CSMD1: variants seen among roughly 807,000 people sequenced by gnomAD.
CSMD1 encodes the protein CUB and Sushi multiple domains 1, also known as CUB and sushi domain-containing protein 1.
CSMD1 carries 213 observed loss-of-function variants against 417.5 expected under a neutral mutation model. The observed-to-expected ratio is 0.51, with a 90% confidence interval of 0.46 to 0.57. The LOEUF is 0.57. Among genes scored for constraint, CSMD1 ranks in the 20% least tolerant of loss-of-function variants. The probability of loss-of-function intolerance (pLI) is 0.00; values close to 1 mark genes in which losing one functional copy is unlikely to be tolerated. For synonymous variants in CSMD1, 2,862 were observed against 1,736.8 expected (o/e 1.65, Z -16.11); for missense variants, 6,923 against 4,529.7 (o/e 1.53, Z -15.17).
chr8:3,292,371 C>T lies in CSMD1; in HGVS notation c.3951-8025G>A, dbSNP rs529826599. On this transcript the variant is annotated intron_variant, in intron 25 of 69. Transcript: ENST00000635120. Reference sequence around the variant, plus strand: ...CTTGGTGCAGAGCTGAGTTCAATTCCTGGGTATCCTTGTTAACTTTCTGTC... The same window carrying T: ...CTTGGTGCAGAGCTGAGTTCAATTCTTGGGTATCCTTGTTAACTTTCTGTC... Among the ~76,000 whole-genome samples the T allele has an allele frequency of 1.7e-3, 266 of 152,154 alleles. 2 individuals are homozygous for T. Among genetic ancestry groups the T allele is most frequent in the African/African-American group, 6.0e-3 (248 of 41,492 alleles).
intron 37 of CSMD1, among the ~76,000 whole-genome samples, chr8:3,169,171 T>G (rs7823658): frequency 0.67 from 102,307 of 151,976 alleles, 36,103 homozygotes; most frequent in African/African-American, 0.88. Flanking sequence ...ATTACACATG[T>G]GCAGGAATCA....
At chr8:4,082,531 G>A (rs980367439) in intron 3 of CSMD1, among the ~76,000 whole-genome samples, 5 of 151,938 alleles carry the variant, frequency 3.3e-5, no homozygotes, top group African/African-American at 1.2e-4. Context: ...AAACTAAAAG[G>A]AAACACACAA....
intron 30 of CSMD1, among the ~76,000 whole-genome samples, chr8:3,213,857 C>CATATATAT (rs34087160): frequency 2.1e-5 from 3 of 146,112 alleles, no homozygotes; most frequent in Non-Finnish European, 3.0e-5. Context: ...TATACATACA[C>CATATATAT]ATATATATAT....
intron 29 of CSMD1, among the ~76,000 whole-genome samples, chr8:3,217,673 C>T (rs576564323): frequency 1.3e-5 from 2 of 152,148 alleles, no homozygotes; most frequent in East Asian, 3.9e-4. Flanking sequence ...GTGACGGATC[C>T]CATCTCAAAG....
At chr8:4,780,074 T>C (rs1023556611) in intron 1 of CSMD1, among the ~76,000 whole-genome samples, 1 of 152,198 alleles carries the variant, frequency 6.6e-6, no homozygotes, top group South Asian at 2.1e-4. Flanking sequence ...TACTTCAGGA[T>C]GTCTGTTGAA....
At chr8:3,847,697 C>T (rs1803604069) in intron 5 of CSMD1, among the ~76,000 whole-genome samples, 1 of 152,102 alleles carries the variant, frequency 6.6e-6, no homozygotes, top group South Asian at 2.1e-4. Flanking sequence ...CATGGAAAAA[C>T]TAATACAGAA....
intron 5 of CSMD1, among the ~76,000 whole-genome samples, chr8:3,815,108 A>G (rs943785172): frequency 6.6e-6 from 1 of 152,210 alleles, no homozygotes; most frequent in Non-Finnish European, 1.5e-5. Context: ...TTTTCAGAAA[A>G]TAATTAGACA....
In CSMD1 at chr8:3,565,323, G is replaced by C. The variant is rs73658193; in HGVS notation, c.1344+9622C>G. On this transcript the variant is annotated intron_variant, in intron 10 of 69. Transcript: ENST00000635120. ...TTCCCCAGTGGCATGGGAGAAAAGT[G>C]AACAGGGCAGTTGGTGGAGCCACTG... Among the ~76,000 whole-genome samples, 971 of 148,196 alleles carry C rather than the reference G, an allele frequency of 6.6e-3. 11 individuals carry two copies. Among genetic ancestry groups the C allele is most frequent in the African/African-American group, 0.025 (926 of 37,732 alleles).
At chr8:4,750,799 GC>G (rs1279842815) in intron 1 of CSMD1, among the ~76,000 whole-genome samples, 5 of 151,980 alleles carry the variant, frequency 3.3e-5, no homozygotes, top group African/African-American at 1.2e-4. Flanking sequence ...TTCGTTGGTT[GC>G]TTTTTTATGC....
At chr8:4,752,731 T>G (rs75819045) in intron 1 of CSMD1, among the ~76,000 whole-genome samples, 4 of 152,164 alleles carry the variant, frequency 2.6e-5, no homozygotes, top group African/African-American at 7.2e-5. Context: ...ACGAAAAAGT[T>G]GCTTCTTGGA....
chr8:4,420,173 A>G (rs1195833308), intron 2 of CSMD1, 108 bp from the exon 3 acceptor site: 1 of 667,050 alleles, frequency 1.5e-6, no homozygotes, highest in Non-Finnish European at 2.6e-6. Context: ...ATTCACTTGA[A>G]ATATGGCATT....
chr8:3,301,349 C>G (rs77042613), intron 25 of CSMD1, among the ~76,000 whole-genome samples: 256 of 151,904 alleles, frequency 1.7e-3, no homozygotes, highest in African/African-American at 5.8e-3. Context: ...CAGATGGGGT[C>G]TAAATGAGAA....
intron 1 of CSMD1, among the ~76,000 whole-genome samples, chr8:4,702,633 G>GTTCTATTGTCA (rs1807650301): frequency 6.6e-6 from 1 of 152,118 alleles, no homozygotes; most frequent in Admixed American, 6.5e-5. Flanking sequence ...AGAACACACT[G>GTTCTATTGTCA]AGAATCACAA....
rs1276063833 is a variant in CSMD1 at position 4,936,251 on chromosome 8, T to A, written c.85+58081A>T. On this transcript the variant is annotated intron_variant, in intron 1 of 69. Coordinates refer to ENST00000635120, the MANE Select transcript of CSMD1 (RefSeq NM_033225.6). Reference sequence around the variant, plus strand: ...AAATGTGCCCACAGATATTATATCATCAGATAACAGATGTTTTATCTTTGA... The same window carrying A: ...AAATGTGCCCACAGATATTATATCAACAGATAACAGATGTTTTATCTTTGA... Among the ~76,000 whole-genome samples the A allele has an allele frequency of 3.9e-5, 6 of 152,214 alleles. No individual in the cohort carries two copies. In the East Asian group the frequency reaches 1.2e-3, roughly 29 times the overall value.
chr8:4,931,748 A>C (rs1807264056), intron 1 of CSMD1, among the ~76,000 whole-genome samples: 1 of 152,244 alleles, frequency 6.6e-6, no homozygotes, highest in Admixed American at 6.5e-5. Context: ...CACATAAGCA[A>C]TTTGGAGAGA....
chr8:3,344,922 T>G (rs1050639187), intron 22 of CSMD1, among the ~76,000 whole-genome samples: 2 of 152,190 alleles, frequency 1.3e-5, no homozygotes, highest in African/African-American at 2.4e-5. Flanking sequence ...ACCCAGGTCA[T>G]TGTGTAAAAA....
intron 3 of CSMD1, among the ~76,000 whole-genome samples, chr8:4,329,182 A>G (rs1307163216): frequency 6.6e-6 from 1 of 152,246 alleles, no homozygotes; most frequent in Non-Finnish European, 1.5e-5. Flanking sequence ...ATAATGGAGA[A>G]TAACAAGTAT....
At chr8:4,455,957 A>AAAAAAATAAAAAAAAAAAAAAAAAAAAG (rs1799447041) in intron 2 of CSMD1, among the ~76,000 whole-genome samples, 1 of 145,238 alleles carries the variant, frequency 6.9e-6, no homozygotes. Context: ...AAAAAAAAAA[A>AAAAAAATAAAAAAAAAAAAAAAAAAAAG]AAAAAATGCA....
chr8:4,623,768 ATATAT>A (rs1801923508), intron 2 of CSMD1, among the ~76,000 whole-genome samples: 1 of 152,014 alleles, frequency 6.6e-6, no homozygotes, highest in Admixed American at 6.6e-5. Context: ...ATAATTTGGC[ATATAT>A]AATATTTCAA....
Sources: allele counts gnomAD v4.1 joint callset (sites outside exome capture counted in the v4.1 genomes callset), GRCh38; gene constraint gnomAD v4.1.1; transcripts MANE v1.5; gene names NCBI Gene and HGNC (gene_info 2026-07-23, HGNC 2026-07-21).